Variants in GASK1B observed in about 807,000 individuals in gnomAD.
GASK1B encodes the protein golgi associated kinase 1B, also known as Golgi-associated kinase 1B.
Under a neutral mutation model 42.8 loss-of-function variants are expected in GASK1B, and 34 were observed. That is an observed-to-expected ratio of 0.79 (90% CI 0.60 to 1.06). The LOEUF is 1.06. Among genes scored for constraint, GASK1B ranks in the 50% least tolerant of loss-of-function variants. GASK1B has a pLI of 0.00. For missense variants in GASK1B, 686 were observed against 661.0 expected (o/e 1.04, Z -0.42); for synonymous variants, 262 against 259.1 (o/e 1.01, Z -0.11).
In GASK1B at chr4:158,125,145, T is replaced by C. The variant is rs2110912168; in HGVS notation, c.*2262A>G. Reference sequence around the variant, plus strand: ...AAAAGCCTGGCCTTCGGCTATCCATTAGTCAAAAATAATTCATCATGAATT... The same window carrying C: ...AAAAGCCTGGCCTTCGGCTATCCATCAGTCAAAAATAATTCATCATGAATT... On this transcript the variant is annotated 3_prime_UTR_variant, in exon 5 of 5. Coordinates refer to ENST00000585682, the MANE Select transcript of GASK1B (RefSeq NM_001128424.2). The C allele has an allele frequency of 6.6e-6, 1 of 152,352 alleles. No homozygotes were observed. The highest frequency in any genetic ancestry group is 1.9e-4 in the East Asian group (1 of 5,186). The allele number at this position is 152,352 out of a possible 1,614,324, so 9.4% of individuals were successfully genotyped here. A position where few individuals can be genotyped will look rare whatever the true frequency, so the allele number is the denominator to read the frequency against.
At chr4:158,169,969 A>AGG (rs150420062) in intron 2 of GASK1B, 1 of 438,278 alleles carries the variant, frequency 2.3e-6, no homozygotes, top group Non-Finnish European at 4.0e-6. Context: ...TGAAAAAAAA[A>AGG]GGGGGGGTTA....
intron 2 of GASK1B, chr4:158,169,430 T>A (rs901357959): frequency 6.6e-6 from 1 of 152,204 alleles, no homozygotes; most frequent in African/African-American, 2.4e-5. Context: ...GAAATTATAA[T>A]GCTAAAGCCA....
At chr4:158,141,677 G>T (rs1446533609) in intron 3 of GASK1B, among the ~76,000 whole-genome samples, 2 of 134,918 alleles carry the variant, frequency 1.5e-5, no homozygotes, top group Non-Finnish European at 3.1e-5. Context: ...CGCGATCTCG[G>T]CTCACTGCAA....
chr4:158,140,903 A>C (rs1731088954), intron 3 of GASK1B, among the ~76,000 whole-genome samples: 1 of 152,226 alleles, frequency 6.6e-6, no homozygotes, highest in African/African-American at 2.4e-5. Context: ...TAAGCAAAAG[A>C]AACATAAAAT....
Position 158,170,887 on chromosome 4 carries a change from T to C in GASK1B, c.489A>G (p.Ala163=). 1 of 1,614,188 alleles carries C rather than the reference T, an allele frequency of 6.2e-7. No homozygotes were observed. The highest frequency in any genetic ancestry group is 1.1e-5 in the South Asian group (1 of 91,086). Reference sequence around the variant, plus strand: ...GGTTTGCTCCCTGAGCGTACCCAGGTGCTACAGCATCAGCTTCCCTTGCCG... The same window carrying C: ...GGTTTGCTCCCTGAGCGTACCCAGGCGCTACAGCATCAGCTTCCCTTGCCG... ...QEAAREADAV[A]PGYAQGANLV... The change falls in exon 2 of 5, where the codon GCA becomes GCG. Residue 163 remains alanine, a synonymous_variant. Transcript: ENST00000585682.
At chr4:158,150,545 C>T (rs1040297064) in intron 3 of GASK1B, among the ~76,000 whole-genome samples, 1 of 152,126 alleles carries the variant, frequency 6.6e-6, no homozygotes, top group Non-Finnish European at 1.5e-5. Context: ...CCAGGAGTCT[C>T]ATATCTTCTG....
intron 3 of GASK1B, among the ~76,000 whole-genome samples, chr4:158,152,514 A>G (rs556644597): frequency 3.9e-5 from 6 of 152,204 alleles, no homozygotes; most frequent in East Asian, 3.9e-4. Flanking sequence ...TATCACCCCA[A>G]TAGGAAAACC....
rs200735037 is a variant in GASK1B, at chr4:158,125,409, A to T, written c.*1998T>A. On this transcript the variant is annotated 3_prime_UTR_variant, in exon 5 of 5. Transcript: ENST00000585682. ...TATGATAAATTTGGATAAAGATGGTAAAAAAAAAAAAATGTTTTAAGCAGT... is the reference window on the plus strand; with the variant it reads ...TATGATAAATTTGGATAAAGATGGTTAAAAAAAAAAAATGTTTTAAGCAGT... 2.5e-4 allele frequency: 7 copies of T among 28,150 alleles called. No homozygotes were observed. The highest frequency in any genetic ancestry group is 5.4e-4 in the Non-Finnish European group (6 of 11,090). The allele number at this position is 28,150 out of a possible 1,614,324, so 1.7% of individuals were successfully genotyped here.
intron 3 of GASK1B, among the ~76,000 whole-genome samples, chr4:158,155,407 A>G (rs1731718442): frequency 6.6e-6 from 1 of 152,138 alleles, no homozygotes; most frequent in Non-Finnish European, 1.5e-5. Flanking sequence ...AAACATTTAT[A>G]ATGTATTCTC....
chr4:158,144,729 T>A (rs2110964274), intron 3 of GASK1B, among the ~76,000 whole-genome samples: 1 of 152,340 alleles, frequency 6.6e-6, no homozygotes, highest in South Asian at 2.1e-4. Flanking sequence ...TACTGACAAC[T>A]AATCCCAGAC....
intron 2 of GASK1B, among the ~76,000 whole-genome samples, chr4:158,161,158 A>T (rs1024988376): frequency 6.6e-6 from 1 of 152,196 alleles, no homozygotes; most frequent in African/African-American, 2.4e-5. Flanking sequence ...AAAATAAATT[A>T]GTTAAAATTT....
chr4:158,160,098 G>C (rs911209513), intron 2 of GASK1B, among the ~76,000 whole-genome samples: 2 of 152,104 alleles, frequency 1.3e-5, no homozygotes, highest in Non-Finnish European at 2.9e-5. Context: ...TGACAGTCCA[G>C]CTCCAGTCCT....
intron 2 of GASK1B, among the ~76,000 whole-genome samples, chr4:158,163,565 T>C (rs1460810953): frequency 2.7e-5 from 4 of 149,228 alleles, no homozygotes; most frequent in African/African-American, 9.9e-5. Flanking sequence ...CAAGACTCTG[T>C]CTCAGAAAAA....
intron 3 of GASK1B, among the ~76,000 whole-genome samples, chr4:158,136,702 T>C (rs1008957167): frequency 4.6e-5 from 7 of 152,230 alleles, no homozygotes; most frequent in Admixed American, 3.3e-4. Flanking sequence ...GGTGTGTGTG[T>C]TTCTGGTTTG....
At chr4:158,147,425 G>T (rs1465009932) in intron 3 of GASK1B, among the ~76,000 whole-genome samples, 1 of 151,990 alleles carries the variant, frequency 6.6e-6, no homozygotes, top group Non-Finnish European at 1.5e-5. Context: ...GCCACATAGT[G>T]AGACTCCGTC....
intron 3 of GASK1B, among the ~76,000 whole-genome samples, chr4:158,151,176 CA>C (rs983228307): frequency 2.0e-5 from 3 of 151,972 alleles, no homozygotes; most frequent in African/African-American, 7.3e-5. Flanking sequence ...AGATATTTAT[CA>C]AAGGGAGAAA....
intron 3 of GASK1B, among the ~76,000 whole-genome samples, chr4:158,131,587 A>T (rs1336761124): frequency 6.6e-6 from 1 of 152,228 alleles, no homozygotes; most frequent in Non-Finnish European, 1.5e-5. Flanking sequence ...GATTCTAAAC[A>T]TATGAACAAA....
intron 3 of GASK1B, among the ~76,000 whole-genome samples, chr4:158,142,129 A>G (rs1731159221): frequency 1.4e-5 from 2 of 147,498 alleles, no homozygotes; most frequent in South Asian, 2.2e-4. Flanking sequence ...TATTTTTAGT[A>G]GAGACGGGGT....
At chr4:158,151,525 A>T (rs190229286) in intron 3 of GASK1B, among the ~76,000 whole-genome samples, 27 of 152,330 alleles carry the variant, frequency 1.8e-4, no homozygotes, top group Non-Finnish European at 2.8e-4. Context: ...AATGGTAGCT[A>T]TGATGAGTAT....
Sources: allele counts gnomAD v4.1 joint callset (sites outside exome capture counted in the v4.1 genomes callset), GRCh38; gene constraint gnomAD v4.1.1; transcripts MANE v1.5; gene names NCBI Gene and HGNC (gene_info 2026-07-23, HGNC 2026-07-21).